NFATC2: variants seen among roughly 807,000 people sequenced by gnomAD.
NFATC2 encodes the protein nuclear factor of activated T cells 2.
In NFATC2, 22 loss-of-function variants were observed where a neutral mutation model predicts 87.3. The ratio of observed to expected loss-of-function variants is 0.25; its 90% confidence interval spans 0.18 to 0.36. The LOEUF is 0.36. NFATC2 is among the 10% of genes least tolerant of loss of function. NFATC2 has a pLI of 1.00. For missense variants in NFATC2, 1,149 were observed against 1,259.1 expected (o/e 0.91, Z 1.32); for synonymous variants, 565 against 542.2 (o/e 1.04, Z -0.58).
chr20:51,550,736 C>A (rs1171718585), intron 1 of NFATC2, among the ~76,000 whole-genome samples: 2 of 151,998 alleles, frequency 1.3e-5, no homozygotes, highest in Non-Finnish European at 2.9e-5. Context: ...GCAAAATAAC[C>A]CAACACAAAG....
chr20:51,562,663 A>G, upstream of NFATC2: 7 of 1,542,732 alleles, frequency 4.5e-6, no homozygotes, highest in Non-Finnish European at 6.1e-6. This position sits in a 1 kb window ranked among gnomAD's most constrained non-coding sequence, Gnocchi z 5.8. Context: ...CGTGTTTGGA[A>G]AGGGGGATCT....
intron 6 of NFATC2, among the ~76,000 whole-genome samples, chr20:51,449,947 T>C (rs1243796938): frequency 6.6e-6 from 1 of 152,194 alleles, no homozygotes; most frequent in Non-Finnish European, 1.5e-5. Flanking sequence ...TACTACTGTT[T>C]TTTAATGTCT....
At chr20:51,398,141 G>GC (rs552454705) in intron 10 of NFATC2, among the ~76,000 whole-genome samples, 32,437 of 151,936 alleles carry the variant, frequency 0.21, 3,603 homozygotes, top group African/African-American at 0.27. Flanking sequence ...CAACAAGGAA[G>GC]CCCCCCGGGA....
chr20:51,482,946 A>G (rs1201994426), intron 3 of NFATC2, among the ~76,000 whole-genome samples: 1 of 152,204 alleles, frequency 6.6e-6, no homozygotes, highest in Non-Finnish European at 1.5e-5. Flanking sequence ...GACTAGCCCA[A>G]GGCCAGTGAG....
chr20:51,430,643 C>T (rs1982566702), intron 9 of NFATC2, among the ~76,000 whole-genome samples: 1 of 152,154 alleles, frequency 6.6e-6, no homozygotes, highest in African/African-American at 2.4e-5. Context: ...CGACTGTCTC[C>T]CTAGGGATTG....
chr20:51,515,986 T>C (rs2076345335), intron 3 of NFATC2, among the ~76,000 whole-genome samples: 1 of 152,324 alleles, frequency 6.6e-6, no homozygotes, highest in African/African-American at 2.4e-5. Context: ...CAAAAAAAGT[T>C]ATATTAATTT....
chr20:51,400,161 G>A lies in NFATC2; in HGVS notation c.2723-1431C>T, dbSNP rs376639593. ...AACCAACAACCTCCACTGCCACCCC[G>A]GCCCTACAGCAAGGTGATCCTGTTG... On this transcript the variant is annotated intron_variant, in intron 9 of 10. Transcript: ENST00000371564. Among the ~76,000 whole-genome samples, 7 of 151,174 alleles carry A rather than the reference G, an allele frequency of 4.6e-5. No individual in the cohort carries two copies. The East Asian group carries it at 5.8e-4, about 13-fold the overall frequency.
chr20:51,517,930 TAAAC>T (rs1248097632), intron 2 of NFATC2, among the ~76,000 whole-genome samples: 1 of 139,092 alleles, frequency 7.2e-6, no homozygotes. Flanking sequence ...AAAAAAAACA[TAAAC>T]AAAACAGTAT....
chr20:51,457,634 C>CAGTGAGAGTCTAATCCAGCTGCCTGG (rs34060437), intron 5 of NFATC2, among the ~76,000 whole-genome samples: 120,094 of 151,212 alleles, frequency 0.79, 48,044 homozygotes, highest in Non-Finnish European at 0.84. Context: ...AAAGAGAAAA[C>CAGTGAGAGTCTAATCCAGCTGCCTGG]ACGCCTTTAG....
At chr20:51,397,398 G>A (rs1284798610) in intron 10 of NFATC2, among the ~76,000 whole-genome samples, 1 of 152,184 alleles carries the variant, frequency 6.6e-6, no homozygotes, top group Non-Finnish European at 1.5e-5. Flanking sequence ...GGGGTCTGAA[G>A]AGTGATGGTG....
chr20:51,426,556 T>G (rs923186135), intron 9 of NFATC2, among the ~76,000 whole-genome samples: 1 of 152,076 alleles, frequency 6.6e-6, no homozygotes, highest in Non-Finnish European at 1.5e-5. Flanking sequence ...TAACTCATCA[T>G]CCTCAGCACA....
At chr20:51,517,193 C>T (rs114668872) in intron 2 of NFATC2, among the ~76,000 whole-genome samples, 3,674 of 152,212 alleles carry the variant, frequency 0.024, 126 homozygotes, top group African/African-American at 0.083. Flanking sequence ...AGGCTACAAA[C>T]CTGTACAGCA....
intron 1 of NFATC2, among the ~76,000 whole-genome samples, chr20:51,536,210 G>C (rs2076717471): frequency 6.6e-6 from 1 of 152,142 alleles, no homozygotes; most frequent in African/African-American, 2.4e-5. Flanking sequence ...AACTATAAGA[G>C]GTGAACGTGC....
intron 3 of NFATC2, among the ~76,000 whole-genome samples, chr20:51,484,356 A>G (rs1989527307): frequency 6.6e-6 from 1 of 151,802 alleles, no homozygotes; most frequent in Non-Finnish European, 1.5e-5. Context: ...GTCCCTCCAC[A>G]CACCCTGCCT....
At chr20:51,424,729 G>A (rs1361997752) in intron 9 of NFATC2, among the ~76,000 whole-genome samples, 3 of 152,090 alleles carry the variant, frequency 2.0e-5, no homozygotes, top group Admixed American at 6.5e-5. Flanking sequence ...AGCACTGTGG[G>A]TAACAGCAAG....
rs1419581591 is a variant in NFATC2 at position 51,432,415 on chromosome 20, C to T, written c.2374G>A (p.Gly792Ser). Residue 792 changes from glycine to serine, a missense_variant, in exon 9 of 11, where the codon GGC becomes AGC. Around this residue, in one of 3 missense-constraint regions of NFATC2, gnomAD observed 581 missense variants for 649.7 expected, o/e 0.89. Transcript: ENST00000371564. The surrounding 1 kb of genome is among the most constrained non-coding windows in gnomAD (Gnocchi z 4.6). ...RSVLVHAGSQ[G>S]QSSALLHPSP... is the part of the protein sequence containing the mutation. ...GGGTGGAGCAGGGCTGAGCTCTGGCCCTGGGAGCCGGCGTGCACCAGCACA... is the reference window on the plus strand; with the variant it reads ...GGGTGGAGCAGGGCTGAGCTCTGGCTCTGGGAGCCGGCGTGCACCAGCACA... 6.3e-7 allele frequency: 1 copy of T among 1,594,760 alleles called. No individual in the cohort carries two copies. The highest frequency in any genetic ancestry group is 2.2e-5 in the East Asian group (1 of 44,606).
chr20:51,539,389 G>A (rs1482803284), intron 1 of NFATC2, among the ~76,000 whole-genome samples: 1 of 152,192 alleles, frequency 6.6e-6, no homozygotes, highest in Non-Finnish European at 1.5e-5. Context: ...AAAGAGAGGT[G>A]ACTGCTATTA....
At chr20:51,420,997 A>G (rs6021195) in intron 9 of NFATC2, among the ~76,000 whole-genome samples, 15,966 of 151,682 alleles carry the variant, frequency 0.11, 2,448 homozygotes, top group African/African-American at 0.33. Flanking sequence ...GGAAATCGAC[A>G]CTGCAGTGCA....
In NFATC2 at chr20:51,507,717, GCAGCATGGGC is replaced by G. The variant is rs574544928; in HGVS notation, c.1332+9057_1332+9066del. Among the ~76,000 whole-genome samples, 6 of 152,340 alleles carry G rather than the reference GCAGCATGGGC, an allele frequency of 3.9e-5. No homozygotes were observed. In the South Asian group the frequency reaches 8.3e-4, roughly 21 times the overall value. ...CACCCGCTTCGTCTACTTCCAAGAGGCAGCATGGGCCAGTGGTCAACAACATGGGCTGTGG... is the reference window on the plus strand; with the variant it reads ...CACCCGCTTCGTCTACTTCCAAGAGGCAGTGGTCAACAACATGGGCTGTGG... On this transcript the variant is annotated intron_variant, in intron 3 of 10. Coordinates refer to ENST00000371564, the MANE Select transcript of NFATC2 (RefSeq NM_012340.5).
Sources: gnomAD v4.1 joint callset for allele counts (sites outside exome capture counted in the v4.1 genomes callset) on GRCh38, gnomAD v4.1.1 for gene constraint, gnomAD v4.1.1 regional missense constraint, Gnocchi (gnomAD v3.1) non-coding constraint, MANE v1.5 for transcripts, NCBI Gene and HGNC (gene_info 2026-07-23, HGNC 2026-07-21) for gene names.